The following SFMBT2 variants were observed in gnomAD, a reference collection of about 807,000 sequenced individuals.
SFMBT2 encodes the protein scm-like with four MBT domains protein 2.
Under a neutral mutation model 110.1 loss-of-function variants are expected in SFMBT2, and 38 were observed. The ratio of observed to expected loss-of-function variants is 0.35; its 90% CI spans 0.27 to 0.45. The LOEUF (loss-of-function observed/expected upper bound fraction) is 0.45. Among genes scored for constraint, SFMBT2 ranks in the 20% least tolerant of loss-of-function variants. SFMBT2 has a pLI of 1.00. For missense variants in SFMBT2, 1,011 were observed against 1,094.9 expected (o/e 0.92, Z 1.08); for synonymous variants, 425 against 425.4 (o/e 1.00, Z 0.01).
At chr10:7,199,848 G>A (rs910068289) in intron 14 of SFMBT2, among the ~76,000 whole-genome samples, 1 of 152,186 alleles carries the variant, frequency 6.6e-6, no homozygotes, top group East Asian at 1.9e-4. Context: ...AATCAAGTAT[G>A]ATAATGTACA....
intron 7 of SFMBT2, among the ~76,000 whole-genome samples, chr10:7,262,469 T>C (rs1466635939): frequency 4.6e-5 from 7 of 152,174 alleles, no homozygotes; most frequent in Non-Finnish European, 5.9e-5. Context: ...CCAAATCCCA[T>C]ACACCAATTA....
At chr10:7,277,541 C>T (rs993293958) in intron 6 of SFMBT2, 2 of 190,518 alleles carry the variant, frequency 1.0e-5, no homozygotes, top group East Asian at 3.7e-4. Flanking sequence ...TGAAATGTTG[C>T]TTAACACACC....
intron 4 of SFMBT2, among the ~76,000 whole-genome samples, chr10:7,366,761 T>C (rs1253740670): frequency 1.3e-5 from 2 of 152,242 alleles, no homozygotes; most frequent in East Asian, 1.9e-4. Flanking sequence ...CCCATTCTTT[T>C]CCAGCAGGCT....
At chr10:7,287,641 G>A (rs1018688577) in intron 4 of SFMBT2, among the ~76,000 whole-genome samples, 18 of 152,152 alleles carry the variant, frequency 1.2e-4, no homozygotes, top group African/African-American at 4.1e-4. Flanking sequence ...CTCCACGTGG[G>A]CAGCCCGGGC....
chr10:7,205,025 T>C (rs1264656789), intron 12 of SFMBT2: 1 of 637,612 alleles, frequency 1.6e-6, no homozygotes, highest in African/African-American at 2.0e-5. Flanking sequence ...ATATACTTTA[T>C]AAAGTACAGT....
rs574687535 is a variant in SFMBT2 at position 7,402,910 on chromosome 10, C to T, written c.-52+7951G>A. Among the ~76,000 whole-genome samples, 7 of 152,326 alleles carry T rather than the reference C, an allele frequency of 4.6e-5. No individual in the cohort carries two copies. The South Asian group carries it at 1.2e-3, about 27-fold the overall frequency. ...ATTCTAGCTCTCTTCCCCCAGCTTT[C>T]GATAGTGTCTTCTTCATTTCTCCCA... On this transcript the variant is annotated intron_variant, in intron 1 of 20. Coordinates refer to ENST00000397167, the MANE Select transcript of SFMBT2 (RefSeq NM_001387889.1).
chr10:7,209,203 T>C (rs1166432592), intron 11 of SFMBT2, among the ~76,000 whole-genome samples: 1 of 152,226 alleles, frequency 6.6e-6, no homozygotes, highest in Non-Finnish European at 1.5e-5. Flanking sequence ...TAAAAGAATG[T>C]CCACAATGCT....
intron 2 of SFMBT2, among the ~76,000 whole-genome samples, chr10:7,376,431 C>T (rs11255096): frequency 0.55 from 84,090 of 151,578 alleles, 23,903 homozygotes; most frequent in East Asian, 0.74. Flanking sequence ...AGAAAAAGGT[C>T]CCCCCACCCT....
At chr10:7,386,202 G>C (rs1337695207) in intron 1 of SFMBT2, among the ~76,000 whole-genome samples, 1 of 152,182 alleles carries the variant, frequency 6.6e-6, no homozygotes, top group Non-Finnish European at 1.5e-5. Flanking sequence ...TTGTGGGTAT[G>C]TGATTACTTT....
chr10:7,323,582 G>T (rs1213376534), intron 4 of SFMBT2, among the ~76,000 whole-genome samples: 2 of 151,942 alleles, frequency 1.3e-5, no homozygotes, highest in Admixed American at 6.6e-5. Flanking sequence ...CAACTATAGT[G>T]GTTTTTTCAA....
chr10:7,357,704 C>G (rs1844564069), intron 4 of SFMBT2, among the ~76,000 whole-genome samples: 1 of 152,240 alleles, frequency 6.6e-6, no homozygotes, highest in African/African-American at 2.4e-5. Context: ...TGGGAACCAT[C>G]TAAGTTCCCA....
In SFMBT2 at chr10:7,381,814, C is replaced by T. The variant is rs751945622; in HGVS notation, c.85G>A (p.Gly29Arg). The T allele has an allele frequency of 9.3e-6, 15 of 1,613,358 alleles. No individual in the cohort carries two copies. The South Asian group carries it at 1.4e-4, about 15-fold the overall frequency. ...AAAATCCTACCAGAATCAAGGTCTCCATTTCCATTAGCTGAGCCGAGACAC... is the reference window on the plus strand; with the variant it reads ...AAAATCCTACCAGAATCAAGGTCTCTATTTCCATTAGCTGAGCCGAGACAC... The part of the protein sequence containing the change: ...EKCLGSANGN[G>R]DLDSEEGSSL... The change falls in exon 2 of 21, where the codon GGA becomes AGA. Residue 29 changes from glycine (G) to arginine (R), a missense_variant. Transcript: ENST00000397167.
At chr10:7,257,452 G>A (rs2131761035) in intron 7 of SFMBT2, among the ~76,000 whole-genome samples, 1 of 152,276 alleles carries the variant, frequency 6.6e-6, no homozygotes, top group South Asian at 2.1e-4. Flanking sequence ...CACCTGCCTG[G>A]ATATAGTCAT....
chr10:7,352,381 G>A (rs1019006560), intron 4 of SFMBT2, among the ~76,000 whole-genome samples: 2 of 152,166 alleles, frequency 1.3e-5, no homozygotes, highest in African/African-American at 4.8e-5. Flanking sequence ...GGAGTACAGT[G>A]GTGCAATCAC....
rs1837844193 is a variant in SFMBT2, at chr10:7,170,586, G to A, written c.2544+342C>T. 1.3e-5 allele frequency among the ~76,000 whole-genome samples: 2 copies of A among 152,172 alleles called. No homozygotes were observed. On this transcript the variant is annotated intron_variant, in intron 20 of 20. Coordinates refer to ENST00000397167, the MANE Select transcript of SFMBT2 (RefSeq NM_001387889.1). The surrounding 1 kb of genome is among the most constrained non-coding windows in gnomAD (Gnocchi z 4.6). ...GTAAAGAGCCCCCACTGTAGAGTCGGTGGAGATGGCAGGGGGAGCGTGGAC... is the reference window on the plus strand; with the variant it reads ...GTAAAGAGCCCCCACTGTAGAGTCGATGGAGATGGCAGGGGGAGCGTGGAC...
In SFMBT2 at chr10:7,308,091, G is replaced by A. The variant is rs146122710; in HGVS notation, c.437-22137C>T. Among the ~76,000 whole-genome samples, 588 of 152,248 alleles carry A rather than the reference G, an allele frequency of 3.9e-3. 1 individual carries two copies. Among genetic ancestry groups the A allele is most frequent in the African/African-American group, 0.013 (547 of 41,548 alleles). ...GCATGTAAGCCAGGTGCAGCAGCTC[G>A]TGCCTATAGTGCCTGAGACTCAGGA... On this transcript the variant is annotated intron_variant, in intron 4 of 20. Coordinates refer to ENST00000397167, the MANE Select transcript of SFMBT2 (RefSeq NM_001387889.1).
chr10:7,211,352 G>A (rs1322975163), intron 11 of SFMBT2, among the ~76,000 whole-genome samples: 1 of 152,122 alleles, frequency 6.6e-6, no homozygotes, highest in African/African-American at 2.4e-5. Context: ...CCCCTTCAGT[G>A]AGAATGTGCT....
rs1839114199 is a variant in SFMBT2 at position 7,205,835 on chromosome 10, G to C, written c.1424C>G (p.Thr475Ser). ...CTTACAGACTGTTTTGTGTGGTGCAGTCAAAGGATAAGAATTGGCTTCACA... is the reference window on the plus strand; with the variant it reads ...CTTACAGACTGTTTTGTGTGGTGCACTCAAAGGATAAGAATTGGCTTCACA... ...GWCEANSYPL[T>S]APHKTVSQKK... Residue 475 changes from threonine (T) to serine (S), a missense_variant, in exon 12 of 21, where the codon ACT becomes AGT. Coordinates refer to ENST00000397167, the MANE Select transcript of SFMBT2 (RefSeq NM_001387889.1). 6.2e-7 allele frequency: 1 copy of C among 1,614,058 alleles called. No homozygotes were observed. The highest frequency in any genetic ancestry group is 2.2e-5 in the East Asian group (1 of 44,874).
At position 7,172,149 on chromosome 10, in the gene SFMBT2, C is replaced by T; in HGVS notation, c.2161G>A (p.Glu721Lys). 3 of 1,550,338 alleles carry T rather than the reference C, an allele frequency of 1.9e-6. No homozygotes were observed. The highest frequency in any genetic ancestry group is 1.4e-5 in the African/African-American group (1 of 72,424). Residue 721 changes from glutamate (E) to lysine (K), a missense_variant, in exon 19 of 21, where the codon GAG (glutamate) becomes AAG (lysine). Around this residue, in one of 2 missense-constraint regions of SFMBT2, gnomAD observed 979 missense variants for 1,016.1 expected, o/e 0.96. Coordinates refer to ENST00000397167, the MANE Select transcript of SFMBT2 (RefSeq NM_001387889.1). This position sits in a 1 kb window ranked among gnomAD's most constrained non-coding sequence, Gnocchi z 4.6. ...FTAGSGEESE[E>K]EDADAMDDDT... is the part of the protein sequence containing the mutation. ...TCGTCCATGGCGTCAGCGTCCTCCTCTTCACTTTCCTGGGAAGGAGGAAAA... is the reference window on the plus strand; with the variant it reads ...TCGTCCATGGCGTCAGCGTCCTCCTTTTCACTTTCCTGGGAAGGAGGAAAA...
Sources: gnomAD v4.1 joint callset for allele counts (sites outside exome capture counted in the v4.1 genomes callset) on GRCh38, gnomAD v4.1.1 for gene constraint, gnomAD v4.1.1 regional missense constraint, Gnocchi (gnomAD v3.1) non-coding constraint, MANE v1.5 for transcripts, NCBI Gene and HGNC (gene_info 2026-07-23, HGNC 2026-07-21) for gene names.